Variants in IPO13 observed in about 807,000 individuals in gnomAD.
IPO13 encodes the protein importin-13.
Under a neutral mutation model 115.5 loss-of-function variants are expected in IPO13, and 28 were observed. That is an observed-to-expected ratio of 0.24 (90% CI 0.18 to 0.33). The LOEUF (loss-of-function observed/expected upper bound fraction) is 0.33, where lower values mean the gene tolerates loss of function less well. IPO13 is among the 10% of genes least tolerant of loss of function. The pLI, the probability that IPO13 is intolerant of heterozygous loss-of-function variation, is 1.00. For missense variants in IPO13, 785 were observed against 1,204.6 expected (o/e 0.65, Z 5.16); for synonymous variants, 414 against 478.9 (o/e 0.86, Z 1.77).
rs1279185311 is a variant in IPO13, at chr1:43,947,144, C to T, written c.-457C>T. 3 of 398,824 alleles carry T rather than the reference C, an allele frequency of 7.5e-6. No homozygotes were observed. Among genetic ancestry groups the T allele is most frequent in the East Asian group, 3.6e-5 (1 of 28,088 alleles). 24.7% of individuals were successfully genotyped at this position (398,824 alleles called of 1,614,324 possible). ...CCTCCGTAACCACGAAGGGCTCTCT[C>T]TCTCCCGTGACCCTCCAGCCCCATG... On this transcript the variant is annotated 5_prime_UTR_variant, in exon 1 of 20. Transcript: ENST00000372343.
At position 43,956,122 on chromosome 1, in the gene IPO13, C is replaced by T. The variant is rs1485271572; in HGVS notation, c.822-198C>T. ...CTCATACGTCCTTCTCAGAGTTCTT[C>T]TGGGGGTCCCTGATCTAAGGTTCTT... is the stretch of plus-strand genomic sequence containing the variant. On this transcript the variant is annotated intron_variant, in intron 2 of 19. Transcript: ENST00000372343. This position sits in a 1 kb window ranked among gnomAD's most constrained non-coding sequence, Gnocchi z 4.7. Among the ~76,000 whole-genome samples, 2 of 152,042 alleles carry T rather than the reference C, an allele frequency of 1.3e-5. No homozygotes were observed. The highest frequency in any genetic ancestry group is 2.9e-5 in the Non-Finnish European group (2 of 68,002).
intron 1 of IPO13, among the ~76,000 whole-genome samples, chr1:43,948,374 C>A (rs2154301998): frequency 6.6e-6 from 1 of 152,380 alleles, no homozygotes; most frequent in Non-Finnish European, 1.5e-5. Flanking sequence ...CTGCTCCCTA[C>A]AACTTGAAAT....
chr1:43,957,892 C>A, intron 7 of IPO13, 85 bp from the exon 8 acceptor site: 1 of 1,338,590 alleles, frequency 7.5e-7, no homozygotes, highest in Non-Finnish European at 1.1e-6. Context: ...CTTGACCCTG[C>A]CAGGAACTCT....
At chr1:43,953,092 TCTC>T (rs1447492423) in intron 2 of IPO13, 18 of 152,156 alleles carry the variant, frequency 1.2e-4, no homozygotes, top group African/African-American at 3.9e-4. Flanking sequence ...TGATGCCCCT[TCTC>T]CTCTGAACGA....
rs757303788 is a variant in IPO13 at position 43,950,109 on chromosome 1, T to C, written c.777T>C (p.Ser259=). 1.6e-5 allele frequency: 26 copies of C among 1,613,330 alleles called. No individual in the cohort carries two copies. Among genetic ancestry groups the C allele is most frequent in the Middle Eastern group, 1.6e-4 (1 of 6,084 alleles). The change falls in exon 2 of 20, where the codon AGT becomes AGC. Residue 259 remains serine (S), a synonymous_variant. Coordinates refer to ENST00000372343, the MANE Select transcript of IPO13 (RefSeq NM_014652.4). ...AGGACTCGGAGCTCTTCGACAGCAGTGTGGAGGCCATTGTGAATGCCATCT... is the reference window on the plus strand; with the variant it reads ...AGGACTCGGAGCTCTTCGACAGCAGCGTGGAGGCCATTGTGAATGCCATCT... The part of the protein sequence containing the change: ...ALQDSELFDS[S]VEAIVNAISQ...
chr1:43,961,102 G>C (rs1374299500), intron 13 of IPO13, 64 bp from the exon 14 acceptor site: 2 of 1,607,870 alleles, frequency 1.2e-6, no homozygotes, highest in East Asian at 4.5e-5. Context: ...TTGCATTCCA[G>C]GGATATTGCC....
intron 5 of IPO13, 67 bp downstream of exon 5, chr1:43,957,043 C>T: frequency 1.3e-6 from 2 of 1,579,606 alleles, no homozygotes; most frequent in African/African-American, 2.7e-5. Flanking sequence ...AGGGAAGGGG[C>T]CCAAGTCCAG....
chr1:43,957,896 G>C, intron 7 of IPO13, 81 bp from the exon 8 acceptor site: 1 of 1,370,468 alleles, frequency 7.3e-7, no homozygotes, highest in South Asian at 1.2e-5. Flanking sequence ...ACCCTGCCAG[G>C]AACTCTGCTT....
intron 2 of IPO13, among the ~76,000 whole-genome samples, chr1:43,955,085 C>T (rs2085235363): frequency 6.6e-6 from 1 of 152,196 alleles, no homozygotes; most frequent in African/African-American, 2.4e-5. Context: ...TCTCCTTCCT[C>T]ATATCCAGTC....
chr1:43,952,049 G>A lies in IPO13; in HGVS notation c.821+1896G>A, dbSNP rs1376520581. ...GGAGTTCTTTTGTGGTCTCTGCTAG[G>A]GTTGGGATGGTCAGTAGCATGCATT... On this transcript the variant is annotated intron_variant, in intron 2 of 19. Coordinates refer to ENST00000372343, the MANE Select transcript of IPO13 (RefSeq NM_014652.4). The surrounding 1 kb of genome is among the most constrained non-coding windows in gnomAD (Gnocchi z 4.7). 1.3e-5 allele frequency among the ~76,000 whole-genome samples: 2 copies of A among 152,152 alleles called. No homozygotes were observed. The highest frequency in any genetic ancestry group is 2.1e-4 in the South Asian group (1 of 4,820).
Position 43,958,992 on chromosome 1 carries a change from G to A in IPO13, c.2028+103G>A, listed in dbSNP as rs2154302288. On this transcript the variant is annotated intron_variant, in intron 11 of 19. Transcript: ENST00000372343. This position sits in a 1 kb window ranked among gnomAD's most constrained non-coding sequence, Gnocchi z 6.3. Reference sequence around the variant, plus strand: ...ACTCTTCAATTCTGTGGGTAATGTTGTCATTGTTCTCCCTGCCCCGTGGGC... The same window carrying A: ...ACTCTTCAATTCTGTGGGTAATGTTATCATTGTTCTCCCTGCCCCGTGGGC... The A allele has an allele frequency of 5.1e-6, 6 of 1,167,864 alleles. No homozygotes were observed. Among genetic ancestry groups the A allele is most frequent in the Non-Finnish European group, 6.2e-6 (5 of 807,954 alleles). The allele number at this position is 1,167,864 out of a possible 1,614,324, so 72.3% of individuals were successfully genotyped here.
In IPO13 at chr1:43,956,027, A is replaced by G. The variant is rs2085245154; in HGVS notation, c.822-293A>G. Among the ~76,000 whole-genome samples, 3 of 129,168 alleles carry G rather than the reference A, an allele frequency of 2.3e-5. No individual in the cohort carries two copies. In the South Asian group the frequency reaches 7.6e-4, roughly 33 times the overall value. The allele number at this position is 129,168 out of a possible 152,430, so 84.7% of individuals were successfully genotyped here. On this transcript the variant is annotated intron_variant, in intron 2 of 19. Coordinates refer to ENST00000372343, the MANE Select transcript of IPO13 (RefSeq NM_014652.4). The surrounding 1 kb of genome is among the most constrained non-coding windows in gnomAD (Gnocchi z 4.7). Reference sequence around the variant, plus strand: ...TCTCAAAAAAAAAAAAAAAAAAAAAATCTTAACCCATTCCGGAATCAGCTC... The same window carrying G: ...TCTCAAAAAAAAAAAAAAAAAAAAAGTCTTAACCCATTCCGGAATCAGCTC...
Position 43,960,263 on chromosome 1 carries a change from G to A in IPO13, c.2043G>A (p.Leu681=), listed in dbSNP as rs1196659473. ...PQGPNPVVVV[L]QQVFQLIQKV... ...TGTGCCTTCAGGTGGTGGTGGTGCTGCAGCAGGTCTTCCAGCTTATCCAGA... is the reference window on the plus strand; with the variant it reads ...TGTGCCTTCAGGTGGTGGTGGTGCTACAGCAGGTCTTCCAGCTTATCCAGA... Residue 681 remains leucine, a synonymous_variant, in exon 12 of 20, where the codon CTG becomes CTA. Coordinates refer to ENST00000372343, the MANE Select transcript of IPO13 (RefSeq NM_014652.4). 6.2e-7 allele frequency: 1 copy of A among 1,614,150 alleles called. No homozygotes were observed. The highest frequency in any genetic ancestry group is 8.5e-7 in the Non-Finnish European group (1 of 1,180,016).
In IPO13 at chr1:43,966,519, G is replaced by T. The variant is rs752282693; in HGVS notation, c.2398-56G>T. 6 of 1,568,582 alleles carry T rather than the reference G, an allele frequency of 3.8e-6. No homozygotes were observed. The Admixed American group carries it at 6.7e-5, about 17-fold the overall frequency. On this transcript the variant is annotated intron_variant, in intron 15 of 19. Transcript: ENST00000372343. The surrounding 1 kb of genome is among the most constrained non-coding windows in gnomAD (Gnocchi z 4.1). ...GGGGGCTGGGGTGGCAGGTGAGTGG[G>T]GGGGATGGTCCTTGGAGCTGGCTGG...
chr1:43,956,874 A>T lies in IPO13; in HGVS notation c.1169A>T (p.Tyr390Phe). The change falls in exon 5 of 20, where the codon TAC becomes TTC. Residue 390 changes from tyrosine to phenylalanine, a missense_variant. Coordinates refer to ENST00000372343, the MANE Select transcript of IPO13 (RefSeq NM_014652.4). The surrounding 1 kb of genome is among the most constrained non-coding windows in gnomAD (Gnocchi z 4.7). The stretch of plus-strand genomic sequence containing the variant: ...TACCAGCAGGTGTACCGGCCAGTCT[A>T]CTTCCAGCTGGTGGATGTGCTTCTG... Reference protein sequence around the residue: ...AVYQQVYRPVYFQLVDVLLHK... With the variant: ...AVYQQVYRPVFFQLVDVLLHK... 6.2e-7 allele frequency: 1 copy of T among 1,614,200 alleles called. No homozygotes were observed. The highest frequency in any genetic ancestry group is 8.5e-7 in the Non-Finnish European group (1 of 1,180,010).
intron 2 of IPO13, chr1:43,953,410 C>G (rs1571763943): frequency 6.6e-6 from 1 of 152,286 alleles, no homozygotes; most frequent in African/African-American, 2.4e-5. Context: ...CAGACTTGTT[C>G]TTCTGTCCAC....
At position 43,964,764 on chromosome 1, in the gene IPO13, G is replaced by A. The variant is rs146260439; in HGVS notation, c.2397+443G>A. Reference sequence around the variant, plus strand: ...GGTAGGCTGGGAGCAGCTCCAAAGCGAGGGGCTGAAGAGGAATGTGCGCGG... The same window carrying A: ...GGTAGGCTGGGAGCAGCTCCAAAGCAAGGGGCTGAAGAGGAATGTGCGCGG... On this transcript the variant is annotated intron_variant, in intron 15 of 19. Transcript: ENST00000372343. 3.8e-4 allele frequency among the ~76,000 whole-genome samples: 58 copies of A among 152,332 alleles called. No individual in the cohort carries two copies. The East Asian group carries it at 5.4e-3, about 14-fold the overall frequency.
At chr1:43,955,826 C>A (rs2085243425) in intron 2 of IPO13, among the ~76,000 whole-genome samples, 1 of 152,044 alleles carries the variant, frequency 6.6e-6, no homozygotes, top group South Asian at 2.1e-4. Flanking sequence ...CCCCAAACTT[C>A]ATGTTATCCC....
Position 43,952,381 on chromosome 1 carries a change from G to T in IPO13, c.821+2228G>T, listed in dbSNP as rs1194587128. Among the ~76,000 whole-genome samples, 1 of 152,168 alleles carries T rather than the reference G, an allele frequency of 6.6e-6. No individual in the cohort carries two copies. Among genetic ancestry groups the T allele is most frequent in the Admixed American group, 6.5e-5 (1 of 15,272 alleles). On this transcript the variant is annotated intron_variant, in intron 2 of 19. Transcript: ENST00000372343. This position sits in a 1 kb window ranked among gnomAD's most constrained non-coding sequence, Gnocchi z 4.7. ...AACGGGGTTTTGCCATGTTGGTCAGGCTGGTCTTGAACTCCTAACCTCAGG... is the reference window on the plus strand; with the variant it reads ...AACGGGGTTTTGCCATGTTGGTCAGTCTGGTCTTGAACTCCTAACCTCAGG...
Sources: allele counts gnomAD v4.1 joint callset (sites outside exome capture counted in the v4.1 genomes callset), GRCh38; gene constraint gnomAD v4.1.1; non-coding constraint Gnocchi (gnomAD v3.1); transcripts MANE v1.5; gene names NCBI Gene and HGNC (gene_info 2026-07-23, HGNC 2026-07-21).